Variants in MPPED2 observed in about 807,000 individuals in gnomAD.
MPPED2 encodes the protein metallophosphoesterase MPPED2.
Under a neutral mutation model 33.0 loss-of-function variants are expected in MPPED2, and 5 were observed. The ratio of observed to expected loss-of-function variants is 0.15; its 90% CI spans 0.08 to 0.32. The LOEUF is 0.32. MPPED2 is among the 10% of genes least tolerant of loss of function. The probability of loss-of-function intolerance (pLI) is 1.00; values close to 1 mark genes in which losing one functional copy is unlikely to be tolerated. For missense variants in MPPED2, 275 were observed against 372.1 expected, an observed-to-expected ratio of 0.74 and a Z score of 2.15; for synonymous variants, 136 against 141.9, an observed-to-expected ratio of 0.96 and a Z score of 0.29.
intron 2 of MPPED2, among the ~76,000 whole-genome samples, chr11:30,559,206 C>T: frequency 6.6e-6 from 1 of 152,102 alleles, no homozygotes; most frequent in East Asian, 1.9e-4. Flanking sequence ...TAATTCTATG[C>T]CCTAAAACAC....
intron 2 of MPPED2, among the ~76,000 whole-genome samples, chr11:30,568,916 C>G (rs1453000969): frequency 6.6e-6 from 1 of 152,148 alleles, no homozygotes; most frequent in Non-Finnish European, 1.5e-5. Flanking sequence ...CCCAAAAGGG[C>G]TCATTTTTTT....
intron 1 of MPPED2, among the ~76,000 whole-genome samples, chr11:30,585,297 C>G (rs903658142): frequency 6.6e-6 from 1 of 152,066 alleles, no homozygotes; most frequent in Non-Finnish European, 1.5e-5. Context: ...CCGCAGGCTG[C>G]GAGCGCGGAG....
In MPPED2 at chr11:30,436,075, A is replaced by G. The variant is rs1052849726; in HGVS notation, c.537-18442T>C. Among the ~76,000 whole-genome samples the G allele has an allele frequency of 3.2e-4, 21 of 65,062 alleles. 1 individual carries two copies. In the East Asian group the frequency reaches 0.011, roughly 34 times the overall value. The allele number at this position is 65,062 out of a possible 152,430, so 42.7% of individuals were successfully genotyped here. ...CTTTTTTTTTTTTTTTTTTTTTTTTACTAACTGAGAATGTAATCTGCCAAC... is the reference window on the plus strand; with the variant it reads ...CTTTTTTTTTTTTTTTTTTTTTTTTGCTAACTGAGAATGTAATCTGCCAAC... On this transcript the variant is annotated intron_variant, in intron 4 of 6. Transcript: ENST00000358117.
chr11:30,403,003 C>T (rs1038754368), intron 6 of MPPED2, among the ~76,000 whole-genome samples: 5 of 152,092 alleles, frequency 3.3e-5, no homozygotes, highest in Non-Finnish European at 5.9e-5. Flanking sequence ...CCCAGCACTT[C>T]GGGAGGCCGA....
At chr11:30,508,020 G>A (rs536917066) in intron 3 of MPPED2, among the ~76,000 whole-genome samples, 16 of 152,166 alleles carry the variant, frequency 1.1e-4, no homozygotes, top group Middle Eastern at 3.4e-3. Flanking sequence ...CTAGGCCTCA[G>A]CATCTTAAAA....
At chr11:30,567,164 CG>C (rs1372694669) in intron 2 of MPPED2, among the ~76,000 whole-genome samples, 3 of 152,120 alleles carry the variant, frequency 2.0e-5, no homozygotes, top group African/African-American at 7.2e-5. Context: ...GGGAAAAATT[CG>C]GTGGACAGAT....
At chr11:30,520,961 C>T (rs1270162536) in intron 3 of MPPED2, among the ~76,000 whole-genome samples, 1 of 152,012 alleles carries the variant, frequency 6.6e-6, no homozygotes, top group African/African-American at 2.4e-5. Flanking sequence ...TAAGCAGCAG[C>T]CCCAACCAGA....
intron 2 of MPPED2, among the ~76,000 whole-genome samples, chr11:30,574,882 T>A (rs891811252): frequency 6.6e-6 from 1 of 152,196 alleles, no homozygotes. Flanking sequence ...CAACACTCCC[T>A]CCTGCAAATT....
chr11:30,557,058 G>A (rs982483957), intron 2 of MPPED2, among the ~76,000 whole-genome samples: 5 of 151,616 alleles, frequency 3.3e-5, no homozygotes, highest in Admixed American at 2.6e-4. Flanking sequence ...GATACATTGG[G>A]CATTACATTG....
chr11:30,504,070 A>C (rs1952697937), intron 3 of MPPED2, among the ~76,000 whole-genome samples: 1 of 152,196 alleles, frequency 6.6e-6, no homozygotes, highest in Non-Finnish European at 1.5e-5. Context: ...ACCTGCCTGC[A>C]ATGGGGCAGT....
chr11:30,557,789 A>T (rs1956052699), intron 2 of MPPED2, among the ~76,000 whole-genome samples: 2 of 152,322 alleles, frequency 1.3e-5, no homozygotes, highest in Middle Eastern at 3.4e-3. Flanking sequence ...CTATAGTAAT[A>T]TGTATGTGAG....
intron 3 of MPPED2, among the ~76,000 whole-genome samples, chr11:30,506,752 C>T (rs961393857): frequency 6.6e-6 from 1 of 152,204 alleles, no homozygotes; most frequent in East Asian, 1.9e-4. Flanking sequence ...AATTCCTCCC[C>T]TCCTTAAGCC....
chr11:30,405,872 G>A (rs547070512), downstream of MPPED2, among the ~76,000 whole-genome samples: 8 of 152,200 alleles, frequency 5.3e-5, no homozygotes, highest in South Asian at 6.2e-4. Context: ...ACTGTGAGAT[G>A]GGAATGATTC....
intron 4 of MPPED2, among the ~76,000 whole-genome samples, chr11:30,420,466 G>A (rs1046958248): frequency 6.6e-5 from 10 of 152,242 alleles, no homozygotes; most frequent in African/African-American, 2.4e-4. Flanking sequence ...AATATGTGTT[G>A]TTAGAAGCTA....
intron 4 of MPPED2, among the ~76,000 whole-genome samples, chr11:30,441,917 T>C (rs2133901606): frequency 6.6e-6 from 1 of 152,298 alleles, no homozygotes; most frequent in Non-Finnish European, 1.5e-5. Context: ...GAGTGTAAGT[T>C]CCATGCGGCA....
intron 4 of MPPED2, among the ~76,000 whole-genome samples, chr11:30,419,933 A>G (rs1272666596): frequency 3.9e-5 from 6 of 152,204 alleles, no homozygotes; most frequent in African/African-American, 4.8e-5. Context: ...CTAAGGGCCA[A>G]TAAAATCTTG....
rs568469749 is a variant in MPPED2 at position 30,555,782 on chromosome 11, A to C, written c.129-19607T>G. On this transcript the variant is annotated intron_variant, in intron 2 of 6. Coordinates refer to ENST00000358117, the MANE Select transcript of MPPED2 (RefSeq NM_001584.3). ...GCAGTCTCAGGTATTTCTTCATAGC[A>C]GTATGAAAATGGACTAATACAATGA... 2.3e-3 allele frequency among the ~76,000 whole-genome samples: 355 copies of C among 152,290 alleles called. 1 individual carries two copies. Among genetic ancestry groups the C allele is most frequent in the African/African-American group, 8.2e-3 (342 of 41,558 alleles).
At chr11:30,537,701 C>G (rs1954886514) in intron 2 of MPPED2, among the ~76,000 whole-genome samples, 2 of 152,062 alleles carry the variant, frequency 1.3e-5, no homozygotes, top group Non-Finnish European at 2.9e-5. Flanking sequence ...GAATTGTGAA[C>G]TGGTTATCAC....
intron 1 of MPPED2, among the ~76,000 whole-genome samples, 187 bp from the exon 2 acceptor site, chr11:30,580,681 T>A (rs1957125423): frequency 6.6e-6 from 1 of 152,238 alleles, no homozygotes; most frequent in African/African-American, 2.4e-5. Context: ...TTACACTCTA[T>A]ACATATTGCT....
Sources: gnomAD v4.1 joint callset for allele counts (sites outside exome capture counted in the v4.1 genomes callset) on GRCh38, gnomAD v4.1.1 for gene constraint, MANE v1.5 for transcripts, NCBI Gene and HGNC (gene_info 2026-07-23, HGNC 2026-07-21) for gene names.